Variants in FRMD6 observed in about 807,000 individuals in gnomAD.
The protein encoded by FRMD6 is FERM domain containing 6.
A neutral mutation model predicts 73.2 loss-of-function variants in FRMD6; 37 were observed. The observed-to-expected ratio is 0.51, with a 90% CI of 0.39 to 0.66. The LOEUF (loss-of-function observed/expected upper bound fraction) is 0.66, where lower values mean the gene tolerates loss of function less well. Ranked by LOEUF, FRMD6 falls within the 30% of genes least tolerant of loss-of-function variation. The pLI, the probability that FRMD6 is intolerant of heterozygous loss-of-function variation, is 0.00. For synonymous variants in FRMD6, 273 were observed against 282.2 expected, an observed-to-expected ratio of 0.97 and a Z score of 0.33; for missense variants, 714 against 780.5, an observed-to-expected ratio of 0.91 and a Z score of 1.02.
At chr14:51,434,663 G>A in the FRMD6 span, among the ~76,000 whole-genome samples, 7 of 152,060 alleles carry the variant, frequency 4.6e-5, no homozygotes, top group Non-Finnish European at 7.4e-5. Context: ...AGCAATAAAT[G>A]TTCAGATAAG....
Position 51,502,011 on chromosome 14 carries a change from C to T in FRMD6, c.-210+12591C>T, listed in dbSNP as rs7161710. On this transcript the variant is annotated intron_variant, in intron 1 of 14. Coordinates refer to the FRMD6 transcript ENST00000356218. ...CTTCTATTCATATACTTGTTGGCCA[C>T]ATGTATGTCTTCTTTTCAGAAGTGT... Among the ~76,000 whole-genome samples the T allele has an allele frequency of 3.9e-3, 589 of 152,296 alleles. 6 individuals are homozygous for T. The highest frequency in any genetic ancestry group is 0.013 in the African/African-American group (554 of 41,552).
At chr14:51,664,129 T>C (rs1471174897) in intron 1 of FRMD6, among the ~76,000 whole-genome samples, 1 of 152,222 alleles carries the variant, frequency 6.6e-6, no homozygotes, top group African/African-American at 2.4e-5. Context: ...GTGATAGGTT[T>C]GATCTGACTA....
chr14:51,521,842 C>T (rs1316449531), intron 1 of FRMD6, among the ~76,000 whole-genome samples: 2 of 152,038 alleles, frequency 1.3e-5, no homozygotes, highest in African/African-American at 4.8e-5. Flanking sequence ...CTTTAACTGA[C>T]CAAGATAAAT....
At chr14:51,507,954 C>T (rs1015524184) in intron 1 of FRMD6, among the ~76,000 whole-genome samples, 10 of 152,294 alleles carry the variant, frequency 6.6e-5, no homozygotes, top group African/African-American at 2.4e-4. Context: ...CCAGAATGCT[C>T]CGGGCAGCTT....
At chr14:51,410,293 A>T in the FRMD6 span, among the ~76,000 whole-genome samples, 2 of 152,178 alleles carry the variant, frequency 1.3e-5, no homozygotes, top group African/African-American at 4.8e-5. Flanking sequence ...TAGGTTATTT[A>T]GTCTCAAAGC....
intron 1 of FRMD6, among the ~76,000 whole-genome samples, chr14:51,559,472 CTTTT>C (rs368241546): frequency 6.9e-6 from 1 of 145,644 alleles, no homozygotes; most frequent in Non-Finnish European, 1.5e-5. Flanking sequence ...TTCCACGTTA[CTTTT>C]TTTTTTTTTT....
At chr14:51,464,896 A>C in the FRMD6 span, among the ~76,000 whole-genome samples, 1 of 152,198 alleles carries the variant, frequency 6.6e-6, no homozygotes, top group East Asian at 1.9e-4. Flanking sequence ...GAGAAATTGC[A>C]TGCAGAAACT....
chr14:51,504,450 G>T (rs986645481), intron 1 of FRMD6, among the ~76,000 whole-genome samples: 17 of 152,352 alleles, frequency 1.1e-4, no homozygotes, highest in African/African-American at 3.6e-4. Flanking sequence ...TTACTTTTTG[G>T]TAGAGCAGGT....
At chr14:51,487,057 C>T (rs1399199578), upstream of FRMD6, among the ~76,000 whole-genome samples, 1 of 151,752 alleles carries the variant, frequency 6.6e-6, no homozygotes, top group Non-Finnish European at 1.5e-5. Flanking sequence ...CCTACTGCAT[C>T]AGAAACTCTC....
intron 2 of FRMD6, among the ~76,000 whole-genome samples, chr14:51,590,369 T>C (rs1294860553): frequency 1.3e-5 from 2 of 152,188 alleles, no homozygotes; most frequent in South Asian, 2.1e-4. Context: ...CCAATATCAT[T>C]TGGCTATTTT....
chr14:51,553,421 A>C (rs1886949114), intron 1 of FRMD6, among the ~76,000 whole-genome samples: 1 of 152,164 alleles, frequency 6.6e-6, no homozygotes, highest in Non-Finnish European at 1.5e-5. Context: ...AATTCAGAAC[A>C]TTTTCTTTTA....
intron 6 of FRMD6, among the ~76,000 whole-genome samples, chr14:51,707,755 A>G (rs1446703122): frequency 6.6e-6 from 1 of 152,120 alleles, no homozygotes; most frequent in Non-Finnish European, 1.5e-5. Flanking sequence ...AAGTATAAAC[A>G]ATTATGTGTA....
At chr14:51,718,486 T>C (rs931129240) in intron 10 of FRMD6, among the ~76,000 whole-genome samples, 4 of 152,272 alleles carry the variant, frequency 2.6e-5, no homozygotes, top group African/African-American at 9.6e-5. Context: ...TTCTCTTCAC[T>C]TGCCACTCAT....
intron 2 of FRMD6, among the ~76,000 whole-genome samples, chr14:51,595,811 G>A (rs907189740): frequency 6.6e-6 from 1 of 152,204 alleles, no homozygotes; most frequent in African/African-American, 2.4e-5. Flanking sequence ...AGGCAATAAT[G>A]AGTCTTCTCC....
intron 1 of FRMD6, among the ~76,000 whole-genome samples, chr14:51,540,983 G>T (rs902825529): frequency 2.6e-5 from 4 of 152,058 alleles, no homozygotes; most frequent in African/African-American, 9.7e-5. Context: ...CATGCAAGAA[G>T]TACCCTCTCT....
the FRMD6 span, among the ~76,000 whole-genome samples, chr14:51,447,131 G>A: frequency 6.6e-6 from 1 of 152,184 alleles, no homozygotes; most frequent in Non-Finnish European, 1.5e-5. Flanking sequence ...CTAACTCCTT[G>A]CATTTCCATG....
rs917237268 is a variant in FRMD6, at chr14:51,517,736, C to A, written c.-210+28316C>A. On this transcript the variant is annotated intron_variant, in intron 1 of 14. Coordinates refer to the FRMD6 transcript ENST00000356218. ...AAATGTAATTCTTCTACAAGACTAA[C>A]AACAAGCCACAGTTATTTCAGAGTC... is the stretch of plus-strand genomic sequence containing the variant. 3.3e-5 allele frequency among the ~76,000 whole-genome samples: 5 copies of A among 152,142 alleles called. No individual in the cohort carries two copies. The South Asian group carries it at 8.3e-4, about 25-fold the overall frequency.
chr14:51,575,242 T>G (rs977026919), intron 2 of FRMD6, among the ~76,000 whole-genome samples: 2 of 152,176 alleles, frequency 1.3e-5, no homozygotes, highest in African/African-American at 2.4e-5. Flanking sequence ...ATTTTAACTT[T>G]AAGATCCAGA....
At chr14:51,518,202 T>A (rs1884742097) in intron 1 of FRMD6, among the ~76,000 whole-genome samples, 1 of 152,194 alleles carries the variant, frequency 6.6e-6, no homozygotes, top group South Asian at 2.1e-4. Context: ...TTATTTAATA[T>A]GAATCAAAGT....
Sources: gnomAD v4.1 joint callset for allele counts (sites outside exome capture counted in the v4.1 genomes callset) on GRCh38, gnomAD v4.1.1 for gene constraint, MANE v1.5 for transcripts, NCBI Gene and HGNC (gene_info 2026-07-23, HGNC 2026-07-21) for gene names.